Variants in SORCS1 observed in about 807,000 individuals in gnomAD.
SORCS1 encodes the protein sortilin related VPS10 domain containing receptor 1.
In SORCS1, 60 loss-of-function variants were observed where a neutral mutation model predicts 146.1. The observed-to-expected ratio is 0.41, with a 90% CI of 0.33 to 0.51. The LOEUF (loss-of-function observed/expected upper bound fraction) is 0.51. Among genes scored for constraint, SORCS1 ranks in the 20% least tolerant of loss-of-function variants. The pLI is 0.21. For missense variants in SORCS1, 1,352 were observed against 1,487.6 expected (o/e 0.91, Z 1.50); for synonymous variants, 637 against 584.0 (o/e 1.09, Z -1.31).
intron 5 of SORCS1, among the ~76,000 whole-genome samples, chr10:106,736,043 T>C (rs536836407): frequency 3.9e-5 from 6 of 152,054 alleles, no homozygotes; most frequent in Non-Finnish European, 8.8e-5. Flanking sequence ...AGAATATGAA[T>C]AAAAACAAAT....
intron 6 of SORCS1, among the ~76,000 whole-genome samples, chr10:106,712,505 A>C (rs1193150950): frequency 6.6e-6 from 1 of 152,208 alleles, no homozygotes; most frequent in Non-Finnish European, 1.5e-5. Context: ...TATTCAAAAG[A>C]AAGCATAAAC....
chr10:106,987,499 C>A (rs575393704), intron 1 of SORCS1, among the ~76,000 whole-genome samples: 145 of 152,324 alleles, frequency 9.5e-4, no homozygotes, highest in Non-Finnish European at 1.9e-3. Flanking sequence ...ACTCTGGAAG[C>A]CCCACGTTCT....
the SORCS1 span, among the ~76,000 whole-genome samples, chr10:107,177,131 T>C: frequency 2.0e-5 from 3 of 152,166 alleles, no homozygotes; most frequent in African/African-American, 7.2e-5. Flanking sequence ...AAATCGACTT[T>C]GTATATTAAT....
rs146064361 is a variant in SORCS1 at position 107,091,471 on chromosome 10, A to C, written c.558+72498T>G. On this transcript the variant is annotated intron_variant, in intron 1 of 25. Transcript: ENST00000263054. Reference sequence around the variant, plus strand: ...ATTAATTTCCATTTCCTGGAGGATAAATCTTCTGATGTTTCCAAACTTGTG... The same window carrying C: ...ATTAATTTCCATTTCCTGGAGGATACATCTTCTGATGTTTCCAAACTTGTG... Among the ~76,000 whole-genome samples the C allele has an allele frequency of 9.2e-3, 1,400 of 152,326 alleles. 18 individuals are homozygous for C. The highest frequency in any genetic ancestry group is 0.01 in the Non-Finnish European group (690 of 68,040).
intron 23 of SORCS1, among the ~76,000 whole-genome samples, chr10:106,600,921 T>C (rs939970572): frequency 2.6e-5 from 4 of 152,168 alleles, no homozygotes; most frequent in Admixed American, 2.0e-4. Flanking sequence ...ACAGCACTTA[T>C]ATTAATTATG....
intron 2 of SORCS1, among the ~76,000 whole-genome samples, chr10:106,919,538 T>C (rs1264958730): frequency 6.6e-6 from 1 of 152,172 alleles, no homozygotes; most frequent in Non-Finnish European, 1.5e-5. Flanking sequence ...TTTAAGTGCC[T>C]TGGCTGGATT....
At chr10:106,678,277 T>C (rs1034800217) in intron 12 of SORCS1, among the ~76,000 whole-genome samples, 1 of 152,164 alleles carries the variant, frequency 6.6e-6, no homozygotes, top group African/African-American at 2.4e-5. Flanking sequence ...CTCTCTATTC[T>C]CCAGAGGAAG....
intron 3 of SORCS1, among the ~76,000 whole-genome samples, chr10:106,809,244 C>T (rs898193582): frequency 6.6e-6 from 1 of 151,718 alleles, no homozygotes; most frequent in East Asian, 1.9e-4. Flanking sequence ...TAATAAAAAA[C>T]CTCCCAGACT....
rs190114694 is a variant in SORCS1, at chr10:107,155,431, C to T, written c.558+8538G>A. On this transcript the variant is annotated intron_variant, in intron 1 of 25. Coordinates refer to ENST00000263054, the MANE Select transcript of SORCS1 (RefSeq NM_052918.5). ...CATCAGGTCATTCAAAAGCAGGACC[C>T]ATGAGGACAGTACTTTGAGAAACAC... Among the ~76,000 whole-genome samples the T allele has an allele frequency of 3.4e-3, 513 of 152,188 alleles. 11 individuals are homozygous for T. Among genetic ancestry groups the T allele is most frequent in the Non-Finnish European group, 5.3e-4 (36 of 68,020 alleles).
chr10:107,002,842 C>T (rs1343419664), intron 1 of SORCS1, among the ~76,000 whole-genome samples: 1 of 152,110 alleles, frequency 6.6e-6, no homozygotes, highest in Non-Finnish European at 1.5e-5. Context: ...GCCTTTTGTC[C>T]TACTAATTGC....
At chr10:107,002,902 A>T in intron 1 of SORCS1, among the ~76,000 whole-genome samples, 1 of 152,122 alleles carries the variant, frequency 6.6e-6, no homozygotes, top group East Asian at 1.9e-4. Flanking sequence ...CCATTAGGGG[A>T]CTGACAGTCT....
Position 106,732,874 on chromosome 10 carries a change from A to ACTGTGGGAGG in SORCS1, c.960-2770_960-2761dup, listed in dbSNP as rs771933245. Among the ~76,000 whole-genome samples the ACTGTGGGAGG allele has an allele frequency of 5.6e-4, 86 of 152,276 alleles. 1 individual carries two copies. Among genetic ancestry groups the ACTGTGGGAGG allele is most frequent in the East Asian group, 7.7e-4 (4 of 5,184 alleles). On this transcript the variant is annotated intron_variant, in intron 5 of 25. Coordinates refer to ENST00000263054, the MANE Select transcript of SORCS1 (RefSeq NM_052918.5). ...AGTGGCTCACGCCTGTAATCCCAGC[A>ACTGTGGGAGG]CTGTGGGAGGCTAAGGCAGGCGGAT...
At chr10:107,171,286 C>T in the SORCS1 span, among the ~76,000 whole-genome samples, 4 of 152,168 alleles carry the variant, frequency 2.6e-5, no homozygotes, top group African/African-American at 9.6e-5. Context: ...TGTTGGAACG[C>T]AGAAGGTTCA....
intron 1 of SORCS1, among the ~76,000 whole-genome samples, chr10:107,134,987 T>C (rs558071732): frequency 1.3e-5 from 2 of 152,290 alleles, no homozygotes; most frequent in South Asian, 4.1e-4. Context: ...AAATACATCT[T>C]TCCCATAAAC....
At position 107,131,740 on chromosome 10, in the gene SORCS1, A is replaced by G. The variant is rs1207488361; in HGVS notation, c.558+32229T>C. 2.6e-5 allele frequency among the ~76,000 whole-genome samples: 4 copies of G among 152,216 alleles called. No individual in the cohort carries two copies. In the East Asian group the frequency reaches 7.7e-4, roughly 29 times the overall value. The stretch of plus-strand genomic sequence containing the variant: ...TCAAAAACAAAAGTCTCTTTCTTTT[A>G]TACTTGAGAATAATGCTAGGCAGAG... On this transcript the variant is annotated intron_variant, in intron 1 of 25. Coordinates refer to ENST00000263054, the MANE Select transcript of SORCS1 (RefSeq NM_052918.5).
In SORCS1 at chr10:106,979,739, TC is replaced by T. The variant is rs1175293773; in HGVS notation, c.559-23160del. Among the ~76,000 whole-genome samples the T allele has an allele frequency of 2.6e-5, 4 of 152,190 alleles. No individual in the cohort carries two copies. The East Asian group carries it at 7.7e-4, about 29-fold the overall frequency. ...CTCTGCCATCACTCGTGTGGCCCTC[TC>T]AGGCATTTAAGTTTGTTTAGGCTGA... On this transcript the variant is annotated intron_variant, in intron 1 of 25. Transcript: ENST00000263054.
chr10:106,606,346 A>G (rs1464306178), intron 23 of SORCS1, among the ~76,000 whole-genome samples: 1 of 151,558 alleles, frequency 6.6e-6, no homozygotes, highest in Non-Finnish European at 1.5e-5. Context: ...AAGGTAGTGG[A>G]GATGAGGAGG....
the SORCS1 span, among the ~76,000 whole-genome samples, chr10:107,170,717 C>T: frequency 1.3e-5 from 2 of 152,178 alleles, no homozygotes; most frequent in South Asian, 4.1e-4. Context: ...TTTTATGCTG[C>T]TTCCCATTTC....
intron 1 of SORCS1, among the ~76,000 whole-genome samples, chr10:106,983,381 A>G (rs1956322560): frequency 6.6e-6 from 1 of 151,916 alleles, no homozygotes; most frequent in African/African-American, 2.4e-5. Context: ...TGTATTATTT[A>G]CAGTTACACT....
Sources: allele counts gnomAD v4.1 joint callset (sites outside exome capture counted in the v4.1 genomes callset), GRCh38; gene constraint gnomAD v4.1.1; transcripts MANE v1.5; gene names NCBI Gene and HGNC (gene_info 2026-07-23, HGNC 2026-07-21).